ERC2: variants seen among roughly 807,000 people sequenced by gnomAD.
ERC2 encodes ELKS/RAB6-interacting/CAST family member 2.
A neutral mutation model predicts 114.8 loss-of-function variants in ERC2; 42 were observed. The observed-to-expected ratio is 0.37, with a 90% confidence interval of 0.29 to 0.47. ERC2 has a LOEUF of 0.47. Among genes scored for constraint, ERC2 ranks in the 20% least tolerant of loss-of-function variants. ERC2 has a pLI of 0.99. For missense variants in ERC2, 939 were observed against 1,150.7 expected, an observed-to-expected ratio of 0.82 and a Z score of 2.66; for synonymous variants, 454 against 425.5, an observed-to-expected ratio of 1.07 and a Z score of -0.82.
At chr3:56,018,867 T>C in intron 8 of ERC2, 27 bp downstream of exon 8, 1 of 1,604,270 alleles carries the variant, frequency 6.2e-7, no homozygotes, top group Non-Finnish European at 8.5e-7. Flanking sequence ...CATATCCTGA[T>C]TCCCCAGTTT....
At chr3:56,117,914 G>A (rs112474982) in intron 6 of ERC2, among the ~76,000 whole-genome samples, 6 of 152,318 alleles carry the variant, frequency 3.9e-5, no homozygotes, top group African/African-American at 1.4e-4. Context: ...GTTTAGAGGT[G>A]AGCAGATTTT....
chr3:56,435,229 A>G, intron 1 of ERC2, 82 bp from the exon 2 acceptor site: 1 of 482,646 alleles, frequency 2.1e-6, no homozygotes. Context: ...TATAAAGATA[A>G]TGATAGATGT....
chr3:55,548,033 C>A (rs1446521988), intron 17 of ERC2, among the ~76,000 whole-genome samples: 1 of 152,212 alleles, frequency 6.6e-6, no homozygotes, highest in East Asian at 1.9e-4. Flanking sequence ...TGATGAGGAT[C>A]TGGCTGGTCC....
intron 2 of ERC2, among the ~76,000 whole-genome samples, chr3:56,430,763 T>C (rs1041282586): frequency 6.6e-6 from 1 of 152,210 alleles, no homozygotes; most frequent in Non-Finnish European, 1.5e-5. Context: ...CACTCCAGCC[T>C]AGGTGACAGA....
At chr3:55,974,244 C>A (rs756958574) in intron 12 of ERC2, among the ~76,000 whole-genome samples, 20 of 152,170 alleles carry the variant, frequency 1.3e-4, no homozygotes, top group Non-Finnish European at 1.5e-5. Flanking sequence ...GAGGAAGGAA[C>A]GATTCCACAG....
intron 1 of ERC2, among the ~76,000 whole-genome samples, chr3:56,443,383 G>C (rs928533682): frequency 6.6e-6 from 1 of 152,146 alleles, no homozygotes; most frequent in African/African-American, 2.4e-5. Flanking sequence ...CCACTATTTG[G>C]GAATTAGTTT....
intron 17 of ERC2, among the ~76,000 whole-genome samples, chr3:55,677,190 T>C (rs995968250): frequency 3.3e-5 from 5 of 152,214 alleles, no homozygotes; most frequent in African/African-American, 1.2e-4. Flanking sequence ...GATTTTTCTT[T>C]AAGCCGAAAG....
intron 16 of ERC2, among the ~76,000 whole-genome samples, chr3:55,688,777 T>G (rs1224886232): frequency 6.6e-6 from 1 of 152,332 alleles, no homozygotes; most frequent in East Asian, 1.9e-4. Context: ...GATTCTCAGA[T>G]GTGGGAACTT....
chr3:55,633,514 G>A (rs1250267865), intron 17 of ERC2, among the ~76,000 whole-genome samples: 2 of 152,194 alleles, frequency 1.3e-5, no homozygotes, highest in East Asian at 3.9e-4. Flanking sequence ...CTACTGGGCT[G>A]TAAGCTTCTC....
At chr3:56,413,533 C>A (rs2061024326) in intron 2 of ERC2, among the ~76,000 whole-genome samples, 1 of 152,132 alleles carries the variant, frequency 6.6e-6, no homozygotes, top group African/African-American at 2.4e-5. Context: ...AATTAATAAA[C>A]TCATCCTCCG....
intron 2 of ERC2, among the ~76,000 whole-genome samples, chr3:56,404,200 AT>A (rs1306951701): frequency 2.6e-5 from 4 of 152,172 alleles, no homozygotes; most frequent in Non-Finnish European, 4.4e-5. Context: ...CATCTGTAAG[AT>A]TCTCTCTTGT....
At chr3:55,527,666 C>G (rs1333826206) in intron 17 of ERC2, among the ~76,000 whole-genome samples, 1 of 152,108 alleles carries the variant, frequency 6.6e-6, no homozygotes, top group Non-Finnish European at 1.5e-5. Flanking sequence ...AGAAGTCTTC[C>G]CATGACATCA....
chr3:56,268,048 G>A (rs1040494459), intron 3 of ERC2, among the ~76,000 whole-genome samples: 4 of 152,146 alleles, frequency 2.6e-5, no homozygotes, highest in African/African-American at 9.7e-5. Context: ...CTTGAATATT[G>A]TAATCACTTC....
chr3:55,631,339 T>C (rs563517617), intron 17 of ERC2, among the ~76,000 whole-genome samples: 59 of 152,304 alleles, frequency 3.9e-4, no homozygotes, highest in East Asian at 1.2e-3. Flanking sequence ...GGTTAGTCAA[T>C]AGCTTTCCCC....
chr3:55,877,656 T>C (rs1575980665), intron 14 of ERC2, among the ~76,000 whole-genome samples: 1 of 151,676 alleles, frequency 6.6e-6, no homozygotes, highest in East Asian at 1.9e-4. Context: ...GGACCACAGG[T>C]ACACAACACC....
At chr3:56,431,001 CTG>C (rs142294325) in intron 2 of ERC2, among the ~76,000 whole-genome samples, 2,738 of 152,274 alleles carry the variant, frequency 0.018, 36 homozygotes, top group South Asian at 0.039. Context: ...TGCTTACCAA[CTG>C]TGTGAACTTG....
At chr3:56,379,935 CTAAAG>C (rs1178310018) in intron 2 of ERC2, among the ~76,000 whole-genome samples, 3 of 152,104 alleles carry the variant, frequency 2.0e-5, no homozygotes, top group Non-Finnish European at 4.4e-5. Flanking sequence ...ACGCATTGTT[CTAAAG>C]TCAGTTTCTC....
chr3:55,572,958 C>T (rs966791955), intron 17 of ERC2, among the ~76,000 whole-genome samples: 6 of 152,188 alleles, frequency 3.9e-5, no homozygotes, highest in African/African-American at 1.2e-4. Flanking sequence ...ACCCCAGGGC[C>T]TCTGAAACCC....
At chr3:56,029,240 A>G (rs1212189964) in intron 7 of ERC2, among the ~76,000 whole-genome samples, 2 of 150,982 alleles carry the variant, frequency 1.3e-5, no homozygotes, top group African/African-American at 2.5e-5. Flanking sequence ...TTCATGAGAG[A>G]CAGTCATCTA....
Sources: allele counts gnomAD v4.1 joint callset (sites outside exome capture counted in the v4.1 genomes callset), GRCh38; gene constraint gnomAD v4.1.1; transcripts MANE v1.5; gene names NCBI Gene and HGNC (gene_info 2026-07-23, HGNC 2026-07-21).